The following NRXN3 variants were observed in gnomAD, a reference collection of about 807,000 sequenced individuals.
NRXN3 encodes the protein neurexin 3.
NRXN3 carries 32 observed loss-of-function variants against 137.6 expected under a neutral mutation model. The ratio of observed to expected loss-of-function variants is 0.23; its 90% CI spans 0.18 to 0.31. NRXN3 has a LOEUF of 0.31. Among genes scored for constraint, NRXN3 ranks in the 10% least tolerant of loss-of-function variants. The pLI is 1.00. For missense variants in NRXN3, 1,574 were observed against 2,062.5 expected (o/e 0.76, Z 4.59); for synonymous variants, 798 against 784.5 (o/e 1.02, Z -0.29).
intron 15 of NRXN3, among the ~76,000 whole-genome samples, chr14:79,094,973 A>AGTGTGT (rs1442448952): frequency 9.3e-4 from 88 of 94,756 alleles, no homozygotes; most frequent in African/African-American, 2.8e-3. Context: ...AGAGAGAGAG[A>AGTGTGT]GAGAGAGTGT....
At chr14:78,464,690 A>G (rs2095044418) in intron 4 of NRXN3, among the ~76,000 whole-genome samples, 1 of 152,254 alleles carries the variant, frequency 6.6e-6, no homozygotes, top group Non-Finnish European at 1.5e-5. Flanking sequence ...GAGTAAAATT[A>G]TCTCCTCTGA....
At chr14:79,334,922 T>G (rs901110959) in intron 15 of NRXN3, among the ~76,000 whole-genome samples, 2 of 152,190 alleles carry the variant, frequency 1.3e-5, no homozygotes, top group Non-Finnish European at 2.9e-5. Context: ...ATTGGTCTTA[T>G]TTTGCATCTG....
chr14:79,633,263 T>C (rs1312091117), intron 16 of NRXN3: 1 of 152,164 alleles, frequency 6.6e-6, no homozygotes, highest in Non-Finnish European at 1.5e-5. Flanking sequence ...CATAATTTTA[T>C]GTTCCCAGTC....
intron 15 of NRXN3, among the ~76,000 whole-genome samples, chr14:79,462,234 G>T (rs554590344): frequency 4.6e-4 from 70 of 152,054 alleles, no homozygotes; most frequent in African/African-American, 1.6e-3. Flanking sequence ...TTAGCCAGGT[G>T]TGGTGGTGCA....
At chr14:78,959,725 A>G (rs1383930620) in intron 11 of NRXN3, among the ~76,000 whole-genome samples, 1 of 152,244 alleles carries the variant, frequency 6.6e-6, no homozygotes, top group Non-Finnish European at 1.5e-5. Context: ...TACACTATTT[A>G]GCGCCCGCAG....
At chr14:78,576,004 G>A (rs1369636996) in intron 4 of NRXN3, among the ~76,000 whole-genome samples, 6 of 152,200 alleles carry the variant, frequency 3.9e-5, no homozygotes, top group South Asian at 2.1e-4. Flanking sequence ...GATTGGGAAC[G>A]TACAATAAAT....
At chr14:79,303,995 C>T (rs192120405) in intron 15 of NRXN3, among the ~76,000 whole-genome samples, 3 of 152,138 alleles carry the variant, frequency 2.0e-5, no homozygotes, top group Admixed American at 1.3e-4. Flanking sequence ...TTGCTTAATA[C>T]GTTAAGGTTT....
At chr14:78,282,770 T>C (rs1461598036) in intron 3 of NRXN3, among the ~76,000 whole-genome samples, 1 of 152,226 alleles carries the variant, frequency 6.6e-6, no homozygotes, top group East Asian at 1.9e-4. Flanking sequence ...TTATGTGTCC[T>C]GGGCCTTGCC....
intron 6 of NRXN3, among the ~76,000 whole-genome samples, chr14:78,688,757 TAGAGAAAAACCAGTGCC>T (rs2098143490): frequency 6.6e-6 from 1 of 151,890 alleles, no homozygotes; most frequent in African/African-American, 2.4e-5. Flanking sequence ...AAGTCAGACA[TAGAGAAAAACCAGTGCC>T]AGCATAAACA....
intron 10 of NRXN3, among the ~76,000 whole-genome samples, chr14:78,896,597 A>C (rs905261447): frequency 6.6e-6 from 1 of 151,866 alleles, no homozygotes; most frequent in Non-Finnish European, 1.5e-5. Flanking sequence ...AAGAGAGATC[A>C]ACATTATATA....
intron 4 of NRXN3, among the ~76,000 whole-genome samples, chr14:78,622,929 T>C (rs2097420516): frequency 6.6e-6 from 1 of 152,266 alleles, no homozygotes; most frequent in Admixed American, 6.5e-5. Flanking sequence ...CAATTTTTAA[T>C]AAGCTGGTAC....
rs118143732 is a variant in NRXN3 at position 78,646,443 on chromosome 14, G to A, written c.1059+1022G>A. Among the ~76,000 whole-genome samples the A allele has an allele frequency of 9.0e-3, 1,369 of 152,262 alleles. 13 individuals carry two copies. Among genetic ancestry groups the A allele is most frequent in the Middle Eastern group, 0.014 (4 of 294 alleles). On this transcript the variant is annotated intron_variant, in intron 5 of 20. Transcript: ENST00000335750. ...TTAACCAGAAAACACTATACTTTCT[G>A]AAGTGCTTATCAAAAAGTGCTTACC...
At chr14:78,378,440 G>A (rs773328058) in intron 4 of NRXN3, among the ~76,000 whole-genome samples, 16 of 148,020 alleles carry the variant, frequency 1.1e-4, no homozygotes, top group African/African-American at 1.8e-4. Context: ...AGCCAAGATC[G>A]TGCCATTGCA....
intron 4 of NRXN3, among the ~76,000 whole-genome samples, chr14:78,312,585 A>AT (rs61609923): frequency 0.31 from 47,127 of 150,148 alleles, 7,498 homozygotes; most frequent in Middle Eastern, 0.36. Flanking sequence ...AAAAAGAAAC[A>AT]TTTTTTTTTT....
At chr14:79,352,779 C>T (rs2093271860) in intron 15 of NRXN3, among the ~76,000 whole-genome samples, 1 of 152,076 alleles carries the variant, frequency 6.6e-6, no homozygotes, top group African/African-American at 2.4e-5. Context: ...GGACCCTACT[C>T]TTTTTTTCCA....
At chr14:78,255,198 C>G (rs1165289422) in intron 2 of NRXN3, among the ~76,000 whole-genome samples, 1 of 150,378 alleles carries the variant, frequency 6.6e-6, no homozygotes, top group Non-Finnish European at 1.5e-5. Flanking sequence ...AGGAACCCGT[C>G]TCATCATTTT....
intron 15 of NRXN3, among the ~76,000 whole-genome samples, chr14:79,064,976 C>T (rs767011702): frequency 1.6e-4 from 25 of 151,608 alleles, no homozygotes; most frequent in Non-Finnish European, 2.9e-4. Context: ...GTTTCCTTAT[C>T]CACTTTCTCC....
intron 15 of NRXN3, among the ~76,000 whole-genome samples, chr14:79,400,807 G>T (rs926133500): frequency 6.6e-6 from 1 of 152,150 alleles, no homozygotes; most frequent in Non-Finnish European, 1.5e-5. Context: ...AAGATTGGAG[G>T]TGGCTATTGT....
chr14:78,524,312 G>C (rs2096341133), intron 4 of NRXN3, among the ~76,000 whole-genome samples: 1 of 152,182 alleles, frequency 6.6e-6, no homozygotes, highest in South Asian at 2.1e-4. Context: ...GTGGTACAGT[G>C]ATCCGCTGGA....
Sources: allele counts gnomAD v4.1 joint callset (sites outside exome capture counted in the v4.1 genomes callset), GRCh38; gene constraint gnomAD v4.1.1; transcripts MANE v1.5; gene names NCBI Gene and HGNC (gene_info 2026-07-23, HGNC 2026-07-21).